The following SLC14A2 variants were observed in gnomAD, a reference collection of about 807,000 sequenced individuals.
SLC14A2 encodes urea transporter 2.
SLC14A2 carries 91 observed loss-of-function variants against 104.6 expected under a neutral mutation model. The ratio of observed to expected loss-of-function variants is 0.87; its 90% CI spans 0.73 to 1.04. The LOEUF is 1.04. Among genes scored for constraint, SLC14A2 ranks in the 50% least tolerant of loss-of-function variants. The pLI, the probability that SLC14A2 is intolerant of heterozygous loss-of-function variation, is 0.00. For synonymous variants in SLC14A2, 476 were observed against 466.4 expected (o/e 1.02, Z -0.27); for missense variants, 1,189 against 1,156.0 (o/e 1.03, Z -0.41).
At chr18:45,175,700 TG>T in the SLC14A2 span, among the ~76,000 whole-genome samples, 1 of 152,126 alleles carries the variant, frequency 6.6e-6, no homozygotes, top group Non-Finnish European at 1.5e-5. Context: ...GTTACAACAT[TG>T]TGGAATATTC....
At chr18:45,224,290 TC>T (rs2144001893) in intron 1 of SLC14A2, among the ~76,000 whole-genome samples, 2 of 152,314 alleles carry the variant, frequency 1.3e-5, no homozygotes, top group South Asian at 4.1e-4. Flanking sequence ...TTCCCCTCTC[TC>T]TGCTACAAGT....
At chr18:45,650,903 CTTTTTTTTTAT>C (rs2045725312) in intron 10 of SLC14A2, among the ~76,000 whole-genome samples, 2 of 2,598 alleles carry the variant, frequency 7.7e-4, no homozygotes, top group Admixed American at 9.7e-3. Context: ...CCATGCCCAG[CTTTTTTTTTAT>C]TTTTAGCAAA....
At chr18:45,426,910 C>T (rs980475710) in intron 1 of SLC14A2, among the ~76,000 whole-genome samples, 2 of 152,092 alleles carry the variant, frequency 1.3e-5, no homozygotes, top group African/African-American at 4.8e-5. Context: ...GCAGGAAATA[C>T]ATCCATCTGC....
chr18:45,347,972 G>C (rs542225865), intron 1 of SLC14A2, among the ~76,000 whole-genome samples: 1 of 152,372 alleles, frequency 6.6e-6, no homozygotes, highest in South Asian at 2.1e-4. Flanking sequence ...GAAAAAACCA[G>C]AAGTGTCATC....
the SLC14A2 span, among the ~76,000 whole-genome samples, chr18:45,176,002 T>C: frequency 6.6e-6 from 1 of 152,142 alleles, no homozygotes; most frequent in Non-Finnish European, 1.5e-5. Context: ...CCCTGTAAAA[T>C]TCATGTGAAG....
chr18:45,460,791 AAG>A (rs1478092231), intron 1 of SLC14A2, among the ~76,000 whole-genome samples: 1 of 152,154 alleles, frequency 6.6e-6, no homozygotes, highest in Non-Finnish European at 1.5e-5. Context: ...TATTCACCCT[AAG>A]AAGCACTTAA....
chr18:45,255,508 G>A (rs2084467717), intron 1 of SLC14A2, among the ~76,000 whole-genome samples: 3 of 152,198 alleles, frequency 2.0e-5, no homozygotes, highest in Admixed American at 2.0e-4. Context: ...CAGACAAATA[G>A]TCAATTTGCT....
chr18:45,533,226 G>T (rs1409172812), intron 2 of SLC14A2, among the ~76,000 whole-genome samples: 1 of 152,140 alleles, frequency 6.6e-6, no homozygotes, highest in East Asian at 1.9e-4. Context: ...ATGAGTTAGG[G>T]AGGATTCCCT....
Position 45,610,045 on chromosome 18 carries a change from A to G in SLC14A2, c.-34-14586A>G, listed in dbSNP as rs1290586980. On this transcript the variant is annotated intron_variant, in intron 2 of 20. Coordinates refer to the SLC14A2 transcript ENST00000586448. ...ACTGAATGCTTTGACCACTAAGCAA[A>G]AATTGTAAAATAAATGAAGATAGTT... Among the ~76,000 whole-genome samples, 4 of 152,192 alleles carry G rather than the reference A, an allele frequency of 2.6e-5. No individual in the cohort carries two copies. In the South Asian group the frequency reaches 8.3e-4, roughly 31 times the overall value.
rs150706502 is a variant in SLC14A2 at position 45,420,351 on chromosome 18, A to G, written c.-124-62882A>G. On this transcript the variant is annotated intron_variant, in intron 1 of 20. Coordinates refer to the SLC14A2 transcript ENST00000586448. The stretch of plus-strand genomic sequence containing the variant: ...CCATAACTTCTAGTGTATTCTATTG[A>G]TCACATAGGACAGCCTGATTCAATG... 7.8e-3 allele frequency among the ~76,000 whole-genome samples: 1,195 copies of G among 152,328 alleles called. 21 individuals carry two copies. In the South Asian group the frequency reaches 0.08, roughly 10 times the overall value.
At chr18:45,313,472 G>C (rs1028585903) in intron 1 of SLC14A2, among the ~76,000 whole-genome samples, 1 of 152,086 alleles carries the variant, frequency 6.6e-6, no homozygotes, top group Admixed American at 6.5e-5. Context: ...CTGCTATACC[G>C]TCTCTCATTC....
chr18:45,287,643 A>G (rs1237305640), intron 1 of SLC14A2, among the ~76,000 whole-genome samples: 3 of 150,942 alleles, frequency 2.0e-5, no homozygotes, highest in Non-Finnish European at 4.4e-5. Flanking sequence ...CTAAATGATC[A>G]CTCCTCATTC....
intron 10 of SLC14A2, among the ~76,000 whole-genome samples, chr18:45,654,676 A>G (rs1417737748): frequency 6.6e-6 from 1 of 152,146 alleles, no homozygotes; most frequent in Admixed American, 6.5e-5. Flanking sequence ...AGATGAGGAA[A>G]CCACGGCTTG....
At chr18:45,223,382 T>A (rs1019489159) in intron 1 of SLC14A2, among the ~76,000 whole-genome samples, 2 of 152,112 alleles carry the variant, frequency 1.3e-5, no homozygotes, top group African/African-American at 4.8e-5. Flanking sequence ...TAGATGCATA[T>A]GTGTGTGTGT....
intron 1 of SLC14A2, among the ~76,000 whole-genome samples, chr18:45,375,679 G>A (rs867550043): frequency 3.3e-5 from 5 of 152,096 alleles, no homozygotes; most frequent in Admixed American, 6.6e-5. Context: ...CTAAGCAGCC[G>A]GCAAGGTGAA....
intron 1 of SLC14A2, among the ~76,000 whole-genome samples, chr18:45,414,763 T>TATATATAG (rs2086256811): frequency 2.9e-5 from 1 of 34,124 alleles, no homozygotes; most frequent in Non-Finnish European, 4.8e-5. Context: ...AAAAAATATA[T>TATATATAG]ATATATATAT....
chr18:45,655,986 T>C (rs577396690), intron 10 of SLC14A2, among the ~76,000 whole-genome samples: 221 of 152,348 alleles, frequency 1.5e-3, no homozygotes, highest in Non-Finnish European at 2.4e-3. Context: ...GTAAGCCACT[T>C]ATCTCTGGGC....
chr18:45,683,198 G>A lies in SLC14A2; in HGVS notation c.*679G>A, dbSNP rs2144676025. 1 of 152,416 alleles carries A rather than the reference G, an allele frequency of 6.6e-6. No homozygotes were observed. The allele number at this position is 152,416 out of a possible 1,614,324, so 9.4% of individuals were successfully genotyped here. A position where few individuals can be genotyped will look rare whatever the true frequency, so the allele number is the denominator to read the frequency against. On this transcript the variant is annotated 3_prime_UTR_variant, in exon 20 of 20. Transcript: ENST00000255226. ...ATGGCAAAACACAATACCAAGAACT[G>A]TGCATTAGCCCGGAAGGCAAGAGGG...
At chr18:45,496,839 C>A (rs563575874) in intron 2 of SLC14A2, among the ~76,000 whole-genome samples, 1 of 152,300 alleles carries the variant, frequency 6.6e-6, no homozygotes, top group South Asian at 2.1e-4. Context: ...TGCCTTCTTT[C>A]TCCCATGCTG....
Sources: gnomAD v4.1 joint callset for allele counts (sites outside exome capture counted in the v4.1 genomes callset) on GRCh38, gnomAD v4.1.1 for gene constraint, MANE v1.5 for transcripts, NCBI Gene and HGNC (gene_info 2026-07-23, HGNC 2026-07-21) for gene names.